SPON1: variants seen among roughly 807,000 people sequenced by gnomAD.
SPON1 encodes spondin-1.
Under a neutral mutation model 111.7 loss-of-function variants are expected in SPON1, and 52 were observed. The ratio of observed to expected loss-of-function variants is 0.47; its 90% CI spans 0.37 to 0.59. The LOEUF is 0.59. SPON1 is among the 20% of genes least tolerant of loss of function. The pLI, the probability that SPON1 is intolerant of heterozygous loss-of-function variation, is 0.00. For missense variants in SPON1, 957 were observed against 1,068.5 expected (o/e 0.90, Z 1.46); for synonymous variants, 410 against 395.8 (o/e 1.04, Z -0.43).
At chr11:14,244,667 G>A (rs548842243) in intron 7 of SPON1, among the ~76,000 whole-genome samples, 8 of 151,416 alleles carry the variant, frequency 5.3e-5, no homozygotes, top group Non-Finnish European at 1.0e-4. Flanking sequence ...AGCATCGCCC[G>A]GGTCCAGGGA....
At chr11:14,235,678 C>CAAAAAAAAAA (rs56925967) in intron 6 of SPON1, among the ~76,000 whole-genome samples, 37 of 71,388 alleles carry the variant, frequency 5.2e-4, no homozygotes, top group East Asian at 3.8e-3. Context: ...GACCCTGCCT[C>CAAAAAAAAAA]AAAAAAAAAA....
intron 2 of SPON1, among the ~76,000 whole-genome samples, chr11:14,028,328 T>TA (rs2133807146): frequency 6.6e-6 from 1 of 151,560 alleles, no homozygotes; most frequent in South Asian, 2.1e-4. Flanking sequence ...ATATAAAAAA[T>TA]AAAAAATATT....
At position 14,259,473 on chromosome 11, in the gene SPON1, C is replaced by G; in HGVS notation, c.1663+23C>G. The stretch of plus-strand genomic sequence containing the variant: ...GCTGTGAGTGGGGGCCCCGGGCGGG[C>G]AGGCGGGCAAGTAGGTCGGGGAGGC... On this transcript the variant is annotated intron_variant, in intron 12 of 15. Coordinates refer to ENST00000576479, the MANE Select transcript of SPON1 (RefSeq NM_006108.4). This position sits in a 1 kb window ranked among gnomAD's most constrained non-coding sequence, Gnocchi z 5.0. The G allele has an allele frequency of 6.3e-7, 1 of 1,595,114 alleles. No individual in the cohort carries two copies. The highest frequency in any genetic ancestry group is 1.1e-5 in the South Asian group (1 of 88,074).
At chr11:13,967,816 ATTAC>A (rs1848030574) in intron 1 of SPON1, among the ~76,000 whole-genome samples, 1 of 152,024 alleles carries the variant, frequency 6.6e-6, no homozygotes, top group Non-Finnish European at 1.5e-5. Flanking sequence ...ATTTCTAACC[ATTAC>A]TTAAGTATTT....
intron 3 of SPON1, among the ~76,000 whole-genome samples, chr11:14,042,160 T>C (rs1848635937): frequency 6.6e-6 from 1 of 152,048 alleles, no homozygotes; most frequent in Non-Finnish European, 1.5e-5. Context: ...TTTCAGTGAG[T>C]TATAATAGGT....
chr11:14,204,291 A>C (rs1473128697), intron 6 of SPON1, among the ~76,000 whole-genome samples: 1 of 152,076 alleles, frequency 6.6e-6, no homozygotes, highest in Non-Finnish European at 1.5e-5. Flanking sequence ...GCTTCCAAGT[A>C]AGATTTTCTT....
rs373572463 is a variant in SPON1, at chr11:14,259,974, T to A, written c.1831+273T>A. On this transcript the variant is annotated intron_variant, in intron 13 of 15. Coordinates refer to ENST00000576479, the MANE Select transcript of SPON1 (RefSeq NM_006108.4). The surrounding 1 kb of genome is among the most constrained non-coding windows in gnomAD (Gnocchi z 5.0). ...GATAGAGAATTCACCTGCAGCTGTG[T>A]TTTATAGGAGTGTCTTTCTTGCAGT... Among the ~76,000 whole-genome samples, 1 of 152,182 alleles carries A rather than the reference T, an allele frequency of 6.6e-6. No homozygotes were observed. Among genetic ancestry groups the A allele is most frequent in the African/African-American group, 2.4e-5 (1 of 41,524 alleles).
At position 14,265,578 on chromosome 11, in the gene SPON1, G is replaced by A; in HGVS notation, c.2315G>A (p.Gly772Asp). 1 of 1,613,758 alleles carries A rather than the reference G, an allele frequency of 6.2e-7. No homozygotes were observed. Among genetic ancestry groups the A allele is most frequent in the Non-Finnish European group, 8.5e-7 (1 of 1,179,814 alleles). Residue 772 changes from glycine to aspartate, a missense_variant, in exon 16 of 16, where the codon GGT becomes GAT. Transcript: ENST00000576479. Reference protein sequence around the residue: ...AWSECTKLCGGGIQERYMTVK... With the variant: ...AWSECTKLCGDGIQERYMTVK... ...TCAGAATGCACCAAACTGTGCGGAG[G>A]TGGAATTCAGGAACGTTACATGACT...
chr11:14,136,848 T>C (rs1029874083), intron 6 of SPON1, among the ~76,000 whole-genome samples: 2 of 152,200 alleles, frequency 1.3e-5, no homozygotes, highest in African/African-American at 4.8e-5. Context: ...TGCCTCATAA[T>C]TGGCATCACT....
At chr11:14,230,220 CACTT>C (rs1176141086) in intron 6 of SPON1, among the ~76,000 whole-genome samples, 13 of 152,168 alleles carry the variant, frequency 8.5e-5, no homozygotes, top group African/African-American at 2.9e-4. Flanking sequence ...CCTTAAAGCA[CACTT>C]ACTTCTCCCC....
chr11:14,178,106 G>T (rs770652045), intron 6 of SPON1, among the ~76,000 whole-genome samples: 1 of 144,810 alleles, frequency 6.9e-6, no homozygotes, highest in Non-Finnish European at 1.5e-5. Flanking sequence ...GGGAGGAGTC[G>T]TTTGCTCTCA....
At chr11:14,141,666 T>TAA (rs1847657979) in intron 6 of SPON1, among the ~76,000 whole-genome samples, 1 of 152,242 alleles carries the variant, frequency 6.6e-6, no homozygotes, top group Non-Finnish European at 1.5e-5. Context: ...TGAAACAGTT[T>TAA]ATATGGCTCC....
chr11:14,117,659 G>T (rs1554926124), intron 5 of SPON1, among the ~76,000 whole-genome samples: 2 of 152,134 alleles, frequency 1.3e-5, no homozygotes, highest in Admixed American at 1.3e-4. Flanking sequence ...TTTTGAGATG[G>T]ATTTTTTTCT....
intron 4 of SPON1, among the ~76,000 whole-genome samples, chr11:14,077,688 T>C (rs1848928736): frequency 6.6e-6 from 1 of 152,130 alleles, no homozygotes; most frequent in Non-Finnish European, 1.5e-5. Flanking sequence ...ATTTGCCATG[T>C]TGGCCAGGCT....
At chr11:14,131,381 A>C (rs936600100) in intron 5 of SPON1, among the ~76,000 whole-genome samples, 5 of 152,138 alleles carry the variant, frequency 3.3e-5, no homozygotes, top group Admixed American at 3.3e-4. Context: ...TCATCATCCT[A>C]ACACCTATTA....
intron 6 of SPON1, among the ~76,000 whole-genome samples, chr11:14,195,214 C>A (rs1554934943): frequency 6.6e-6 from 1 of 152,176 alleles, no homozygotes. Flanking sequence ...AAATGCTATG[C>A]AGAGTTCAGA....
intron 5 of SPON1, among the ~76,000 whole-genome samples, chr11:14,100,679 T>G (rs1387308425): frequency 2.6e-5 from 4 of 152,206 alleles, no homozygotes; most frequent in Non-Finnish European, 5.9e-5. Flanking sequence ...TTTTCTCTAG[T>G]CTTTGCTTTT....
intron 6 of SPON1, among the ~76,000 whole-genome samples, chr11:14,176,990 A>G (rs1848184115): frequency 6.6e-6 from 1 of 152,146 alleles, no homozygotes; most frequent in East Asian, 1.9e-4. Context: ...GAGTTTTATT[A>G]TTACTCAAAT....
chr11:14,092,593 A>G (rs1849068392), intron 5 of SPON1, among the ~76,000 whole-genome samples: 1 of 152,124 alleles, frequency 6.6e-6, no homozygotes, highest in African/African-American at 2.4e-5. Flanking sequence ...GGTTCCTTCC[A>G]TTGGAGCACA....
Sources: allele counts gnomAD v4.1 joint callset (sites outside exome capture counted in the v4.1 genomes callset), GRCh38; gene constraint gnomAD v4.1.1; non-coding constraint Gnocchi (gnomAD v3.1); transcripts MANE v1.5; gene names NCBI Gene and HGNC (gene_info 2026-07-23, HGNC 2026-07-21).